The following INTS2 variants were observed in gnomAD, a reference collection of about 807,000 sequenced individuals.
INTS2 encodes the protein integrator complex subunit 2.
A neutral mutation model predicts 139.6 loss-of-function variants in INTS2; 57 were observed. That is an observed-to-expected ratio of 0.41 (90% CI 0.33 to 0.51). The LOEUF (loss-of-function observed/expected upper bound fraction) is 0.51. Among genes scored for constraint, INTS2 ranks in the 20% least tolerant of loss-of-function variants. The probability of loss-of-function intolerance (pLI) is 0.28; values close to 1 mark genes in which losing one functional copy is unlikely to be tolerated. For synonymous variants in INTS2, 473 were observed against 493.4 expected (o/e 0.96, Z 0.55); for missense variants, 1,196 against 1,436.7 (o/e 0.83, Z 2.71).
At chr17:61,890,532 C>T (rs576299517) in intron 14 of INTS2, among the ~76,000 whole-genome samples, 29 of 151,336 alleles carry the variant, frequency 1.9e-4, no homozygotes, top group Non-Finnish European at 3.2e-4. Context: ...ATCACTTGAA[C>T]CCAGGAGGCA....
chr17:61,884,349 G>C (rs1241077812), intron 16 of INTS2, among the ~76,000 whole-genome samples: 1 of 152,014 alleles, frequency 6.6e-6, no homozygotes, highest in Non-Finnish European at 1.5e-5. Context: ...AAATTAGACA[G>C]GCATGGTGGC....
intron 15 of INTS2, among the ~76,000 whole-genome samples, chr17:61,887,769 C>T (rs1804070836): frequency 6.6e-6 from 1 of 151,428 alleles, no homozygotes; most frequent in Admixed American, 6.6e-5. Flanking sequence ...AAAGAAAATC[C>T]AGGCCGGGTG....
rs1201093885 is a variant in INTS2 at position 61,871,350 on chromosome 17, G to A, written c.2778+915C>T. Among the ~76,000 whole-genome samples the A allele has an allele frequency of 6.6e-6, 1 of 152,044 alleles. No individual in the cohort carries two copies. Among genetic ancestry groups the A allele is most frequent in the Non-Finnish European group, 1.5e-5 (1 of 68,002 alleles). ...TGGCCAGGCTGGTCTCAAAACTCCT[G>A]AACTCAGGTGATCCACCCACCTCAG... is the stretch of plus-strand genomic sequence containing the variant. On this transcript the variant is annotated intron_variant, in intron 20 of 24. Coordinates refer to ENST00000251334, the MANE Select transcript of INTS2 (RefSeq NM_001351695.2). The surrounding 1 kb of genome is among the most constrained non-coding windows in gnomAD (Gnocchi z 4.9).
Position 61,872,320 on chromosome 17 carries a change from G to C in INTS2, c.2723C>G (p.Thr908Ser). 6.2e-7 allele frequency: 1 copy of C among 1,613,190 alleles called. No homozygotes were observed. Among genetic ancestry groups the C allele is most frequent in the Non-Finnish European group, 8.5e-7 (1 of 1,179,382 alleles). Residue 908 changes from threonine (T) to serine (S), a missense_variant, in exon 20 of 25, where the codon ACT (threonine) becomes AGT (serine). Coordinates refer to ENST00000251334, the MANE Select transcript of INTS2 (RefSeq NM_001351695.2). This position sits in a 1 kb window ranked among gnomAD's most constrained non-coding sequence, Gnocchi z 4.8. ...TTCCCTGGTAACTTCCGGAGCATCAGTTTGTCCAACTAAACCAATTGTATT... is the reference window on the plus strand; with the variant it reads ...TTCCCTGGTAACTTCCGGAGCATCACTTTGTCCAACTAAACCAATTGTATT... ...QNNTIGLVGQ[T>S]DAPEVTREEL... is the part of the protein sequence containing the mutation.
Position 61,927,914 on chromosome 17 carries a change from T to A in INTS2, c.-279A>T. On this transcript the variant is annotated 5_prime_UTR_variant, in exon 1 of 25. It introduces an in-frame stop codon into an upstream open reading frame of the 5' UTR. Transcript: ENST00000251334. ...TGTAGGAACGGAAAAGCGGGAGACT[T>A]TTTCAACCTGCACCCAGCACCTTCA... The A allele has an allele frequency of 6.2e-7, 1 of 1,613,822 alleles. No homozygotes were observed. Among genetic ancestry groups the A allele is most frequent in the South Asian group, 1.1e-5 (1 of 91,062 alleles).
chr17:61,922,507 C>A (rs1447372074), intron 3 of INTS2, among the ~76,000 whole-genome samples: 40 of 52,372 alleles, frequency 7.6e-4, no homozygotes, highest in Non-Finnish European at 1.0e-3. Context: ...AGAAAACAAA[C>A]AAACATATAT....
rs935758066 is a variant in INTS2, at chr17:61,870,283, C to A, written c.2779-295G>T. 2.6e-5 allele frequency among the ~76,000 whole-genome samples: 4 copies of A among 152,136 alleles called. No individual in the cohort carries two copies. The highest frequency in any genetic ancestry group is 4.4e-5 in the Non-Finnish European group (3 of 68,024). ...GATATCACATATCTCTAAAATAGAT[C>A]CATGGACTCCAGTTTAAGAATATCT... On this transcript the variant is annotated intron_variant, in intron 20 of 24. Transcript: ENST00000251334. The surrounding 1 kb of genome is among the most constrained non-coding windows in gnomAD (Gnocchi z 4.4).
intron 14 of INTS2, among the ~76,000 whole-genome samples, chr17:61,890,982 T>TC (rs1273446571): frequency 1.4e-4 from 4 of 28,172 alleles, no homozygotes; most frequent in African/African-American, 6.2e-4. Context: ...GACTCCAGTC[T>TC]CAAAAAAAAA....
chr17:61,911,836 T>A (rs569423605), intron 6 of INTS2, 104 bp downstream of exon 6: 1 of 1,423,906 alleles, frequency 7.0e-7, no homozygotes, highest in Admixed American at 2.2e-5. Flanking sequence ...ATATCCAGTA[T>A]ATAAATAAAA....
rs1298956710 is a variant in INTS2, at chr17:61,867,875, C to G, written c.3379G>C (p.Asp1127His). The G allele has an allele frequency of 1.9e-6, 3 of 1,606,994 alleles. No individual in the cohort carries two copies. The highest frequency in any genetic ancestry group is 2.5e-6 in the Non-Finnish European group (3 of 1,177,990). ...ATGTCTCTTGTCTGAGTGGCAACAT[C>G]AGAGGCACAAACTTGCCCTATTTGG... ...LIQIGQVCAS[D>H]VATQTRDIDP... is the part of the protein sequence containing the mutation. The change falls in exon 24 of 25, where the codon GAT becomes CAT. Residue 1127 changes from aspartate to histidine, a missense_variant. Around this residue, in one of 3 missense-constraint regions of INTS2, gnomAD observed 1,129 missense variants for 1,341.9 expected, o/e 0.84. Coordinates refer to ENST00000251334, the MANE Select transcript of INTS2 (RefSeq NM_001351695.2). This position sits in a 1 kb window ranked among gnomAD's most constrained non-coding sequence, Gnocchi z 5.6.
chr17:61,884,554 A>T (rs866436449), intron 16 of INTS2, among the ~76,000 whole-genome samples: 60 of 151,638 alleles, frequency 4.0e-4, no homozygotes, highest in Middle Eastern at 3.4e-3. Context: ...GAGTTAAAAA[A>T]ATTTTTTTTT....
At position 61,927,738 on chromosome 17, in the gene INTS2, T is replaced by C. The variant is rs993529638; in HGVS notation, c.-103A>G. 6.8e-7 allele frequency: 1 copy of C among 1,474,706 alleles called. No individual in the cohort carries two copies. The highest frequency in any genetic ancestry group is 2.5e-5 in the Admixed American group (1 of 40,044). 91.4% of individuals were successfully genotyped at this position (1,474,706 alleles called of 1,614,324 possible). On this transcript the variant is annotated 5_prime_UTR_variant, in exon 1 of 25. Coordinates refer to ENST00000251334, the MANE Select transcript of INTS2 (RefSeq NM_001351695.2). The stretch of plus-strand genomic sequence containing the variant: ...GACGCGGCAGAAATCGAGAGCGCGG[T>C]CCGATGTTGGGCCTAGGCGATATCC...
Position 61,873,111 on chromosome 17 carries a change from T to C in INTS2, c.2583-651A>G, listed in dbSNP as rs529845846. On this transcript the variant is annotated intron_variant, in intron 19 of 24. Transcript: ENST00000251334. The surrounding 1 kb of genome is among the most constrained non-coding windows in gnomAD (Gnocchi z 4.0). Reference sequence around the variant, plus strand: ...CCATGTTCTAATGAAATACTCAGCATGGGGAAATGCACATAATCACCAAAG... The same window carrying C: ...CCATGTTCTAATGAAATACTCAGCACGGGGAAATGCACATAATCACCAAAG... 6.6e-6 allele frequency among the ~76,000 whole-genome samples: 1 copy of C among 152,300 alleles called. No homozygotes were observed. Among genetic ancestry groups the C allele is most frequent in the South Asian group, 2.1e-4 (1 of 4,828 alleles).
intron 15 of INTS2, among the ~76,000 whole-genome samples, chr17:61,888,067 A>G (rs1324592439): frequency 6.8e-6 from 1 of 146,230 alleles, no homozygotes; most frequent in Non-Finnish European, 1.5e-5. Flanking sequence ...AAAAAGAAAA[A>G]CAAATTAAAA....
At position 61,926,392 on chromosome 17, in the gene INTS2, G is replaced by C; in HGVS notation, c.253C>G (p.His85Asp). ...TTGCTGGCATCTTGTTCTAAAGCAT[G>C]AAAGTCCACGGACAACAATGCAACA... ...SIVALLSVDF[H>D]ALEQDASKEQ... The change falls in exon 2 of 25, where the codon CAT becomes GAT. Residue 85 changes from histidine (H) to aspartate (D), a missense_variant. By Grantham distance (81) the His-to-Asp change is moderately conservative. Coordinates refer to ENST00000251334, the MANE Select transcript of INTS2 (RefSeq NM_001351695.2). The C allele has an allele frequency of 6.2e-7, 1 of 1,610,452 alleles. No homozygotes were observed. Among genetic ancestry groups the C allele is most frequent in the Non-Finnish European group, 8.5e-7 (1 of 1,177,042 alleles).
chr17:61,901,577 C>CTTTTT lies in INTS2; in HGVS notation c.1307+2878_1307+2882dup, dbSNP rs55751869. ...CAAATCCTAAAAGGCAGAATGATTT[C>CTTTTT]TTTTTTTTTTTTTTTTTTTTTTTTT... On this transcript the variant is annotated intron_variant, in intron 9 of 24. Transcript: ENST00000251334. 1.8e-4 allele frequency among the ~76,000 whole-genome samples: 9 copies of CTTTTT among 49,454 alleles called. 2 individuals are homozygous for CTTTTT. Among genetic ancestry groups the CTTTTT allele is most frequent in the Non-Finnish European group, 2.4e-4 (7 of 29,446 alleles). 32.4% of individuals were successfully genotyped at this position (49,454 alleles called of 152,430 possible). A position where few individuals can be genotyped will look rare whatever the true frequency, so the allele number is the denominator to read the frequency against.
intron 9 of INTS2, among the ~76,000 whole-genome samples, chr17:61,902,305 GTTGGTAATGTTTTCTTC>G (rs1338745890): frequency 2.0e-5 from 3 of 152,082 alleles, no homozygotes; most frequent in Non-Finnish European, 4.4e-5. Context: ...GAATAAATTT[GTTGGTAATGTTTTCTTC>G]TTGGGTGTTC....
chr17:61,915,575 T>C (rs1291046252), intron 5 of INTS2, among the ~76,000 whole-genome samples: 1 of 148,556 alleles, frequency 6.7e-6, no homozygotes, highest in African/African-American at 2.5e-5. Context: ...TCCCAGCACT[T>C]TGGGAGGCCG....
In INTS2 at chr17:61,874,947, G is replaced by C; in HGVS notation, c.2548C>G (p.Leu850Val). Residue 850 changes from leucine (L) to valine (V), a missense_variant, in exon 19 of 25, where the codon CTC (leucine) becomes GTC (valine). By Grantham distance (32) the Leu-to-Val change is conservative. This residue lies in a region of INTS2 where 1,129 missense variants were observed against 1,341.9 expected (regional missense o/e 0.84). Coordinates refer to ENST00000251334, the MANE Select transcript of INTS2 (RefSeq NM_001351695.2). Reference sequence around the variant, plus strand: ...CTCTGATCACACCTTAGGACAATGAGAGGATCTATCATCAGGTCATTCTGA... The same window carrying C: ...CTCTGATCACACCTTAGGACAATGACAGGATCTATCATCAGGTCATTCTGA... ...YTQNDLMIDP[L>V]IVLRCDQRVH... 6.3e-7 allele frequency: 1 copy of C among 1,597,792 alleles called. No homozygotes were observed. Among genetic ancestry groups the C allele is most frequent in the Non-Finnish European group, 8.5e-7 (1 of 1,170,994 alleles).
Sources: allele counts gnomAD v4.1 joint callset (sites outside exome capture counted in the v4.1 genomes callset), GRCh38; gene constraint gnomAD v4.1.1; regional missense constraint gnomAD v4.1.1; non-coding constraint Gnocchi (gnomAD v3.1); transcripts MANE v1.5; gene names NCBI Gene and HGNC (gene_info 2026-07-23, HGNC 2026-07-21).